Variants in VANGL1 observed in about 807,000 individuals in gnomAD.
VANGL1 encodes the protein vang-like protein 1.
A neutral mutation model predicts 48.4 loss-of-function variants in VANGL1; 18 were observed. The observed-to-expected ratio is 0.37, with a 90% CI of 0.26 to 0.55. The LOEUF is 0.55. VANGL1 is among the 20% of genes least tolerant of loss of function. The probability of loss-of-function intolerance (pLI) is 0.81; values close to 1 mark genes in which losing one functional copy is unlikely to be tolerated. For synonymous variants in VANGL1, 257 were observed against 261.8 expected (o/e 0.98, Z 0.18); for missense variants, 667 against 675.8 (o/e 0.99, Z 0.14).
intron 4 of VANGL1, among the ~76,000 whole-genome samples, chr1:115,680,026 TGAGA>T (rs146370842): frequency 1.2e-3 from 113 of 97,506 alleles, no homozygotes; most frequent in Middle Eastern, 6.1e-3. Flanking sequence ...TGTGTGTATG[TGAGA>T]GAGAGAGAGA....
rs534383461 is a variant in VANGL1, at chr1:115,687,593, A to G, written c.1314+2066A>G. On this transcript the variant is annotated intron_variant, in intron 7 of 7. Transcript: ENST00000355485. ...AATGAAGTTTTCAGCCCCTGCCCCA[A>G]AACAGTTTTTACCGATAAGGAGTTG... Among the ~76,000 whole-genome samples the G allele has an allele frequency of 1.4e-5, 2 of 138,292 alleles. 1 individual carries two copies. The highest frequency in any genetic ancestry group is 4.9e-4 in the South Asian group (2 of 4,090). 90.7% of individuals were successfully genotyped at this position (138,292 alleles called of 152,430 possible).
chr1:115,675,875 A>G (rs1653142036), intron 4 of VANGL1, among the ~76,000 whole-genome samples: 1 of 152,084 alleles, frequency 6.6e-6, no homozygotes. Flanking sequence ...TGATTCTTGA[A>G]TCTCTGCTTG....
intron 4 of VANGL1, among the ~76,000 whole-genome samples, chr1:115,668,106 G>A (rs1397502189): frequency 6.6e-6 from 1 of 152,210 alleles, no homozygotes; most frequent in African/African-American, 2.4e-5. Context: ...GGGAGAGTTA[G>A]GTAAGTCTAA....
intron 4 of VANGL1, among the ~76,000 whole-genome samples, chr1:115,678,196 C>T (rs1350264168): frequency 6.6e-6 from 1 of 152,242 alleles, no homozygotes; most frequent in African/African-American, 2.4e-5. Flanking sequence ...TGTGTCATCA[C>T]TGTTGATGCT....
chr1:115,683,958 G>A lies in VANGL1; in HGVS notation c.961G>A (p.Ala321Thr). Residue 321 changes from alanine to threonine, a missense_variant, in exon 6 of 8, where the codon GCC (alanine) becomes ACC (threonine). Transcript: ENST00000355485. ...TTTCCCCAAAGGCCCCAGTAACAAT[G>A]CCACTGGCCAGTCCCGGGCCATGAT... ...VYNVDGPSNN[A>T]TGQSRAMIAA... 6.2e-7 allele frequency: 1 copy of A among 1,613,618 alleles called. No homozygotes were observed. The highest frequency in any genetic ancestry group is 8.5e-7 in the Non-Finnish European group (1 of 1,179,768).
chr1:115,643,274 G>A (rs1214393155), intron 1 of VANGL1, among the ~76,000 whole-genome samples: 1 of 152,196 alleles, frequency 6.6e-6, no homozygotes, highest in Non-Finnish European at 1.5e-5. Context: ...TGTATCACCA[G>A]TCAACAATGC....
rs977057311 is a variant in VANGL1, at chr1:115,693,509, T to A, written c.*2130T>A. 8 of 152,642 alleles carry A rather than the reference T, an allele frequency of 5.2e-5. No homozygotes were observed. Among genetic ancestry groups the A allele is most frequent in the African/African-American group, 1.9e-4 (8 of 41,468 alleles). 9.5% of individuals were successfully genotyped at this position (152,642 alleles called of 1,614,324 possible). A position where few individuals can be genotyped will look rare whatever the true frequency, so the allele number is the denominator to read the frequency against. ...GCATTCCCAGCAGGGTGAAGAAAGG[T>A]TTAAATTAAAGAATTTATTTTCTCT... On this transcript the variant is annotated 3_prime_UTR_variant, in exon 8 of 8. Coordinates refer to ENST00000355485, the MANE Select transcript of VANGL1 (RefSeq NM_138959.3).
At chr1:115,645,335 A>G (rs906304727) in intron 1 of VANGL1, among the ~76,000 whole-genome samples, 5 of 152,220 alleles carry the variant, frequency 3.3e-5, no homozygotes, top group Non-Finnish European at 7.3e-5. Context: ...CAACCCCTTC[A>G]GTTCTTCCTA....
At chr1:115,659,487 T>C (rs1003953055) in intron 2 of VANGL1, among the ~76,000 whole-genome samples, 154 bp from the exon 3 acceptor site, 5 of 147,470 alleles carry the variant, frequency 3.4e-5, no homozygotes, top group African/African-American at 1.3e-4. Flanking sequence ...GTGGTGAAGA[T>C]GGGTGGGTTT....
intron 3 of VANGL1, among the ~76,000 whole-genome samples, chr1:115,660,708 T>C (rs368617146): frequency 6.6e-6 from 1 of 152,212 alleles, no homozygotes. Context: ...TATAGGACTA[T>C]AGATAAGCAT....
chr1:115,665,053 CAT>C (rs779692054), intron 4 of VANGL1, among the ~76,000 whole-genome samples: 1 of 152,352 alleles, frequency 6.6e-6, no homozygotes, highest in South Asian at 2.1e-4. Context: ...TGCACAAAAA[CAT>C]ATGGCTAGCC....
chr1:115,677,892 T>G (rs1653227073), intron 4 of VANGL1, among the ~76,000 whole-genome samples: 1 of 152,214 alleles, frequency 6.6e-6, no homozygotes, highest in African/African-American at 2.4e-5. Context: ...CTCCCACATT[T>G]CCCCAAGATT....
At chr1:115,678,223 A>T (rs1653239085) in intron 4 of VANGL1, among the ~76,000 whole-genome samples, 1 of 152,212 alleles carries the variant, frequency 6.6e-6, no homozygotes, top group Non-Finnish European at 1.5e-5. Flanking sequence ...TTAGGGACAG[A>T]TCAGTGGGGA....
rs1653824237 is a variant in VANGL1 at position 115,691,304 on chromosome 1, C to T, written c.1500C>T (p.Ile500=). ...LVVNVKKIPF[I]ILSEEFIDPK... ...TCAATGTGAAGAAAATTCCATTCAT[C>T]ATACTCTCTGAAGAGTTCATAGACC... Residue 500 remains isoleucine (I), a synonymous_variant, in exon 8 of 8, where the codon ATC becomes ATT. Coordinates refer to ENST00000355485, the MANE Select transcript of VANGL1 (RefSeq NM_138959.3). 1 of 1,614,010 alleles carries T rather than the reference C, an allele frequency of 6.2e-7. No homozygotes were observed. Among genetic ancestry groups the T allele is most frequent in the Non-Finnish European group, 8.5e-7 (1 of 1,180,046 alleles).
At chr1:115,667,494 G>GC (rs1652836027) in intron 4 of VANGL1, among the ~76,000 whole-genome samples, 1 of 152,098 alleles carries the variant, frequency 6.6e-6, no homozygotes, top group Non-Finnish European at 1.5e-5. Flanking sequence ...ACCCCTCCTT[G>GC]CTGCCCTGTC....
intron 7 of VANGL1, among the ~76,000 whole-genome samples, chr1:115,685,860 A>G (rs979970394): frequency 6.6e-6 from 1 of 152,076 alleles, no homozygotes. Context: ...CTCCTCCACC[A>G]ACTAGATGCA....
At chr1:115,653,729 A>C (rs1051280060) in intron 2 of VANGL1, among the ~76,000 whole-genome samples, 1 of 152,210 alleles carries the variant, frequency 6.6e-6, no homozygotes, top group Non-Finnish European at 1.5e-5. Flanking sequence ...AATTAAAACA[A>C]CACGCAGAAT....
intron 4 of VANGL1, among the ~76,000 whole-genome samples, chr1:115,677,641 T>G (rs1653217128): frequency 6.6e-6 from 1 of 152,208 alleles, no homozygotes; most frequent in African/African-American, 2.4e-5. Context: ...GAGTATTTCT[T>G]TCCCTGGGTT....
chr1:115,651,443 T>G lies in VANGL1; in HGVS notation c.30T>G (p.Tyr10Ter). The G allele has an allele frequency of 6.2e-7, 1 of 1,614,148 alleles. No individual in the cohort carries two copies. The highest frequency in any genetic ancestry group is 1.1e-5 in the South Asian group (1 of 91,078). Residue 10 changes from tyrosine to a stop codon, truncating the protein, a stop_gained, in exon 2 of 8, where the codon TAT becomes TAG. Transcript: ENST00000355485. LOFTEE classifies it high-confidence loss of function. Reference sequence around the variant, plus strand: ...ATACCGAATCCACTTATTCTGGATATTCTTACTATTCAAGTCATTCGAAAA... The same window carrying G: ...ATACCGAATCCACTTATTCTGGATAGTCTTACTATTCAAGTCATTCGAAAA... MDTESTYSG[Y>*]SYYSSHSKKS...
Sources: allele counts gnomAD v4.1 joint callset (sites outside exome capture counted in the v4.1 genomes callset), GRCh38; gene constraint gnomAD v4.1.1; transcripts MANE v1.5; gene names NCBI Gene and HGNC (gene_info 2026-07-23, HGNC 2026-07-21).